The following ULK2 variants were observed in gnomAD, a reference collection of about 807,000 sequenced individuals.
ULK2 encodes the protein serine/threonine-protein kinase ULK2.
In ULK2, 76 loss-of-function variants were observed where a neutral mutation model predicts 127.5. The ratio of observed to expected loss-of-function variants is 0.60; its 90% CI spans 0.50 to 0.72. The LOEUF is 0.72. ULK2 is among the 30% of genes least tolerant of loss of function. The pLI, the probability that ULK2 is intolerant of heterozygous loss-of-function variation, is 0.00. For synonymous variants in ULK2, 452 were observed against 461.9 expected (o/e 0.98, Z 0.28); for missense variants, 1,144 against 1,295.9 (o/e 0.88, Z 1.80).
intron 10 of ULK2, among the ~76,000 whole-genome samples, chr17:19,835,072 GGGA>G (rs1354502650): frequency 6.6e-6 from 1 of 151,968 alleles, no homozygotes; most frequent in Non-Finnish European, 1.5e-5. Context: ...ACAGCACAAA[GGGA>G]AGAGCGAATG....
intron 25 of ULK2, among the ~76,000 whole-genome samples, chr17:19,779,948 T>C (rs1172317309): frequency 1.3e-5 from 2 of 151,900 alleles, no homozygotes; most frequent in African/African-American, 4.8e-5. Flanking sequence ...CTAAGGAGGG[T>C]GGAACACCTG....
At chr17:19,834,216 C>T (rs2041534414) in intron 10 of ULK2, among the ~76,000 whole-genome samples, 1 of 148,854 alleles carries the variant, frequency 6.7e-6, no homozygotes. Flanking sequence ...TCAGTATCTA[C>T]CAAAAAAAAA....
At chr17:19,812,003 C>T (rs2087652605) in intron 13 of ULK2, among the ~76,000 whole-genome samples, 4 of 152,198 alleles carry the variant, frequency 2.6e-5, no homozygotes, top group African/African-American at 9.6e-5. Context: ...AAGTTCACAG[C>T]CACCAAAATT....
rs868482149 is a variant in ULK2 at position 19,825,407 on chromosome 17, C to T, written c.836-225G>A. Among the ~76,000 whole-genome samples, 13 of 152,090 alleles carry T rather than the reference C, an allele frequency of 8.5e-5. No homozygotes were observed. The East Asian group carries it at 9.6e-4, about 11-fold the overall frequency. On this transcript the variant is annotated intron_variant, in intron 11 of 26. Transcript: ENST00000395544. ...AGAACAGTTATTAAATAAACACAAC[C>T]GTAGGTATCTAAGAAAATCAGGCTG... is the stretch of plus-strand genomic sequence containing the variant.
intron 13 of ULK2, among the ~76,000 whole-genome samples, chr17:19,816,204 T>C (rs914610429): frequency 6.6e-6 from 1 of 152,238 alleles, no homozygotes; most frequent in Non-Finnish European, 1.5e-5. Context: ...GATCAAACCA[T>C]GGCTCCTTCT....
intron 3 of ULK2, among the ~76,000 whole-genome samples, chr17:19,851,420 C>G (rs2042013322): frequency 6.6e-6 from 1 of 151,270 alleles, no homozygotes; most frequent in African/African-American, 2.4e-5. Flanking sequence ...GGCAGATCAC[C>G]TGAGGTCTGG....
chr17:19,857,269 T>C (rs1025525830), intron 3 of ULK2, among the ~76,000 whole-genome samples: 4 of 148,786 alleles, frequency 2.7e-5, no homozygotes, highest in African/African-American at 7.5e-5. Context: ...GATCACGGCA[T>C]TGCACTCCAG....
intron 8 of ULK2, 131 bp downstream of exon 8, chr17:19,842,990 T>A (rs572276035): frequency 1.5e-5 from 12 of 789,590 alleles, no homozygotes; most frequent in African/African-American, 6.9e-5. Flanking sequence ...TTTTTGCCTA[T>A]AACAGAATCA....
At chr17:19,804,248 G>T (rs1017952769) in intron 15 of ULK2, among the ~76,000 whole-genome samples, 1 of 135,760 alleles carries the variant, frequency 7.4e-6, no homozygotes, top group Non-Finnish European at 1.6e-5. Context: ...AAAAAAAAAA[G>T]AATAATCTAT....
At chr17:19,841,449 A>G in intron 9 of ULK2, 40 bp downstream of exon 9, 1 of 1,534,310 alleles carries the variant, frequency 6.5e-7, no homozygotes, top group Non-Finnish European at 8.8e-7. Flanking sequence ...ACAACACTGT[A>G]TTCACAAATA....
intron 13 of ULK2, among the ~76,000 whole-genome samples, chr17:19,812,818 C>T (rs763957923): frequency 5.9e-5 from 9 of 152,196 alleles, no homozygotes; most frequent in East Asian, 1.9e-4. Context: ...CATAATACAA[C>T]GTATTTTTTT....
At chr17:19,832,600 C>G (rs1423294609) in intron 10 of ULK2, among the ~76,000 whole-genome samples, 1 of 152,110 alleles carries the variant, frequency 6.6e-6, no homozygotes, top group Admixed American at 6.6e-5. Flanking sequence ...AAGCCACACA[C>G]AGATCTATGG....
At chr17:19,793,867 C>T (rs559972336) in intron 20 of ULK2, among the ~76,000 whole-genome samples, 28 of 152,182 alleles carry the variant, frequency 1.8e-4, no homozygotes, top group Non-Finnish European at 3.7e-4. Context: ...AATCAAACAT[C>T]AGAACCAGAC....
At chr17:19,825,657 G>A (rs945825254) in intron 11 of ULK2, among the ~76,000 whole-genome samples, 6 of 151,098 alleles carry the variant, frequency 4.0e-5, no homozygotes, top group African/African-American at 1.5e-4. Context: ...TTGTACCACT[G>A]CACTCCAGCC....
intron 9 of ULK2, chr17:19,840,190 A>T (rs1252122627): frequency 6.1e-6 from 3 of 490,568 alleles, no homozygotes; most frequent in Non-Finnish European, 1.3e-5. Context: ...AACCCAGCCG[A>T]ATACAACATA....
In ULK2 at chr17:19,786,002, G is replaced by C. The variant is rs2087022045; in HGVS notation, c.2186C>G (p.Ser729Cys). The change falls in exon 21 of 27, where the codon TCT becomes TGT. Residue 729 changes from serine (S) to cysteine (C), a missense_variant. Around this residue, in one of 2 missense-constraint regions of ULK2, gnomAD observed 913 missense variants for 970.5 expected, o/e 0.94. Coordinates refer to ENST00000395544, the MANE Select transcript of ULK2 (RefSeq NM_014683.4). ...SSKAVLFTVG[S>C]PPHSAAAPTC... The stretch of plus-strand genomic sequence containing the variant: ...GGGGGCTGCCGCACTGTGTGGAGGA[G>C]ACCCTACAGTGAAGAGGACAGCCTT... 6 of 1,586,012 alleles carry C rather than the reference G, an allele frequency of 3.8e-6. No homozygotes were observed. Among genetic ancestry groups the C allele is most frequent in the Non-Finnish European group, 5.1e-6 (6 of 1,170,358 alleles).
chr17:19,812,504 A>G (rs1253101480), intron 13 of ULK2, among the ~76,000 whole-genome samples: 2 of 152,186 alleles, frequency 1.3e-5, no homozygotes, highest in African/African-American at 4.8e-5. Context: ...CATACTCAGA[A>G]TACTTACACT....
intron 25 of ULK2, among the ~76,000 whole-genome samples, chr17:19,779,847 G>T (rs2152381149): frequency 6.6e-6 from 1 of 152,244 alleles, no homozygotes; most frequent in African/African-American, 2.4e-5. Context: ...TGCAGAAACA[G>T]ATCCTGCTAA....
At chr17:19,789,038 A>G (rs2087096006) in intron 20 of ULK2, among the ~76,000 whole-genome samples, 1 of 152,200 alleles carries the variant, frequency 6.6e-6, no homozygotes, top group South Asian at 2.1e-4. Flanking sequence ...GAAGGACACA[A>G]ACCTGGCTGG....
Sources: allele counts gnomAD v4.1 joint callset (sites outside exome capture counted in the v4.1 genomes callset), GRCh38; gene constraint gnomAD v4.1.1; regional missense constraint gnomAD v4.1.1; transcripts MANE v1.5; gene names NCBI Gene and HGNC (gene_info 2026-07-23, HGNC 2026-07-21).